Variants in ARHGAP28 observed in about 807,000 individuals in gnomAD.
The protein encoded by ARHGAP28 is Rho GTPase activating protein 28, also known as rho GTPase-activating protein 28.
Under a neutral mutation model 90.7 loss-of-function variants are expected in ARHGAP28, and 56 were observed. The ratio of observed to expected loss-of-function variants is 0.62; its 90% CI spans 0.50 to 0.77. ARHGAP28 has a LOEUF of 0.77. Ranked by LOEUF, ARHGAP28 falls within the 30% of genes least tolerant of loss-of-function variation. The pLI is 0.00. For missense variants in ARHGAP28, 869 were observed against 900.9 expected, an observed-to-expected ratio of 0.96 and a Z score of 0.45; for synonymous variants, 308 against 323.3, an observed-to-expected ratio of 0.95 and a Z score of 0.51.
intron 16 of ARHGAP28, chr18:6,898,755 CT>C: frequency 1.6e-6 from 2 of 1,266,610 alleles, no homozygotes; most frequent in Non-Finnish European, 2.0e-6. Flanking sequence ...TTTATAACAA[CT>C]TGTTCAAAAA....
intron 1 of ARHGAP28, among the ~76,000 whole-genome samples, chr18:6,800,678 G>C (rs758656867): frequency 3.3e-5 from 5 of 152,138 alleles, no homozygotes; most frequent in African/African-American, 4.8e-5. Context: ...ATGGACAGAG[G>C]GAGGGGAACA....
At chr18:6,853,844 C>T (rs555786503) in intron 4 of ARHGAP28, among the ~76,000 whole-genome samples, 9 of 152,260 alleles carry the variant, frequency 5.9e-5, no homozygotes, top group South Asian at 2.1e-4. Flanking sequence ...CTTTCCAGAT[C>T]GAACCAATGT....
rs11285854 is a variant in ARHGAP28 at position 6,909,300 on chromosome 18, C to CT, written c.2095+286dup. ...CTTTTCTTTTCTTTTCTTTTCTTTT[C>CT]TTTTTTTTTTGAGACAGAATCTTGC... On this transcript the variant is annotated intron_variant, in intron 17 of 17. Transcript: ENST00000383472. Among the ~76,000 whole-genome samples, 738 of 122,024 alleles carry CT rather than the reference C, an allele frequency of 6.0e-3. 4 individuals carry two copies. Among genetic ancestry groups the CT allele is most frequent in the African/African-American group, 0.014 (443 of 30,994 alleles). 80.1% of individuals were successfully genotyped at this position (122,024 alleles called of 152,430 possible).
chr18:6,899,997 C>T (rs941718040), intron 16 of ARHGAP28, among the ~76,000 whole-genome samples: 3 of 152,094 alleles, frequency 2.0e-5, no homozygotes, highest in Admixed American at 6.5e-5. Context: ...GCTTCACCTG[C>T]AGCCTGCAGC....
At chr18:6,813,357 C>A (rs73382767) in intron 1 of ARHGAP28, among the ~76,000 whole-genome samples, 14,529 of 152,148 alleles carry the variant, frequency 0.095, 1,909 homozygotes, top group African/African-American at 0.3. Flanking sequence ...ATGTGTAGTT[C>A]TCTCTCTATA....
chr18:6,901,659 T>C (rs2057339225), intron 16 of ARHGAP28, among the ~76,000 whole-genome samples: 1 of 151,928 alleles, frequency 6.6e-6, no homozygotes, highest in Non-Finnish European at 1.5e-5. Flanking sequence ...CTCTACAAAG[T>C]GTCTGAGCAG....
intron 1 of ARHGAP28, among the ~76,000 whole-genome samples, chr18:6,794,948 G>T (rs2056431371): frequency 6.6e-6 from 1 of 151,974 alleles, no homozygotes; most frequent in Non-Finnish European, 1.5e-5. Flanking sequence ...CTCCCAAAGT[G>T]CTGAGATTAC....
At chr18:6,792,277 C>G (rs957044601) in intron 1 of ARHGAP28, among the ~76,000 whole-genome samples, 1 of 152,100 alleles carries the variant, frequency 6.6e-6, no homozygotes, top group Non-Finnish European at 1.5e-5. Flanking sequence ...CTCATCAGGT[C>G]GTACATTTAA....
intron 1 of ARHGAP28, among the ~76,000 whole-genome samples, chr18:6,822,036 A>C (rs2056630367): frequency 6.6e-6 from 1 of 151,820 alleles, no homozygotes; most frequent in African/African-American, 2.4e-5. Context: ...AGGTGGTATT[A>C]CCGTATTGGC....
rs1404771083 is a variant in ARHGAP28, at chr18:6,773,421, C to A, written c.122+43478C>A. ...TAATGTGGTATAATGATAGCATGAT[C>A]TTTTATAGAGGGCCAAGTATAGGGT... On this transcript the variant is annotated intron_variant, in intron 1 of 17. Transcript: ENST00000383472. 2.6e-5 allele frequency among the ~76,000 whole-genome samples: 4 copies of A among 152,168 alleles called. No individual in the cohort carries two copies. In the East Asian group the frequency reaches 7.7e-4, roughly 29 times the overall value.
intron 15 of ARHGAP28, 98 bp downstream of exon 15, chr18:6,894,989 C>T: frequency 2.5e-6 from 3 of 1,182,796 alleles, no homozygotes; most frequent in Admixed American, 1.8e-5. Flanking sequence ...CATGAACTAT[C>T]CTTCAAACTT....
chr18:6,758,341 CT>C (rs869196522), intron 1 of ARHGAP28, among the ~76,000 whole-genome samples: 195 of 145,762 alleles, frequency 1.3e-3, no homozygotes, highest in Admixed American at 1.1e-3. Flanking sequence ...GCTTGCTTGT[CT>C]TTTTTTTTTT....
At chr18:6,735,303 G>T (rs190126481) in intron 1 of ARHGAP28, among the ~76,000 whole-genome samples, 1 of 152,240 alleles carries the variant, frequency 6.6e-6, no homozygotes, top group South Asian at 2.1e-4. Flanking sequence ...AGTAAAACTG[G>T]TACAATACTG....
intron 1 of ARHGAP28, among the ~76,000 whole-genome samples, chr18:6,797,558 T>G (rs553788521): frequency 2.8e-4 from 43 of 152,332 alleles, no homozygotes; most frequent in Admixed American, 1.2e-3. Flanking sequence ...AACTTTGTTA[T>G]CTTTTTAGAA....
chr18:6,862,816 G>T (rs1895995846), intron 5 of ARHGAP28, among the ~76,000 whole-genome samples: 1 of 152,148 alleles, frequency 6.6e-6, no homozygotes, highest in African/African-American at 2.4e-5. Flanking sequence ...TTCCATTTAT[G>T]TGTGTCTTCT....
At chr18:6,865,656 T>G (rs2057032682) in intron 5 of ARHGAP28, among the ~76,000 whole-genome samples, 1 of 152,162 alleles carries the variant, frequency 6.6e-6, no homozygotes. Flanking sequence ...ATTGAAAATG[T>G]TTCGTATGGT....
chr18:6,875,505 T>C (rs1405868741), intron 9 of ARHGAP28, among the ~76,000 whole-genome samples: 1 of 152,228 alleles, frequency 6.6e-6, no homozygotes, highest in Non-Finnish European at 1.5e-5. Flanking sequence ...TTACAGTGAA[T>C]CGAACTGTTC....
intron 1 of ARHGAP28, among the ~76,000 whole-genome samples, chr18:6,766,229 G>A (rs1041572918): frequency 3.9e-5 from 6 of 152,068 alleles, no homozygotes; most frequent in Non-Finnish European, 7.4e-5. Flanking sequence ...TGCATGTGTC[G>A]CTCCTTTCAG....
chr18:6,750,510 T>C lies in ARHGAP28; in HGVS notation c.122+20567T>C, dbSNP rs1435600910. On this transcript the variant is annotated intron_variant, in intron 1 of 17. Coordinates refer to ENST00000383472, the MANE Select transcript of ARHGAP28 (RefSeq NM_001366230.1). ...GTTACTGTGTTAGTCTGTTTCCTGT[T>C]TCTATAAAAGAATGTCAAAGACTGG... 2.0e-5 allele frequency among the ~76,000 whole-genome samples: 3 copies of C among 152,340 alleles called. No individual in the cohort carries two copies. In the East Asian group the frequency reaches 5.8e-4, roughly 29 times the overall value.
Sources: gnomAD v4.1 joint callset for allele counts (sites outside exome capture counted in the v4.1 genomes callset) on GRCh38, gnomAD v4.1.1 for gene constraint, MANE v1.5 for transcripts, NCBI Gene and HGNC (gene_info 2026-07-23, HGNC 2026-07-21) for gene names.